Variants in ASRGL1 observed in about 807,000 individuals in gnomAD.
ASRGL1 encodes the protein isoaspartyl peptidase/L-asparaginase.
ASRGL1 carries 16 observed loss-of-function variants against 22.4 expected under a neutral mutation model. The ratio of observed to expected loss-of-function variants is 0.71; its 90% CI spans 0.48 to 1.08. The LOEUF (loss-of-function observed/expected upper bound fraction) is 1.08. Ranked by LOEUF, ASRGL1 falls within the 50% of genes least tolerant of loss-of-function variation. The probability of loss-of-function intolerance (pLI) is 0.00; values close to 1 mark genes in which losing one functional copy is unlikely to be tolerated. For missense variants in ASRGL1, 412 were observed against 410.1 expected (o/e 1.00, Z -0.04); for synonymous variants, 165 against 159.3 (o/e 1.04, Z -0.27).
chr11:62,398,621 A>C, the ASRGL1 span, among the ~76,000 whole-genome samples: 4,323 of 152,220 alleles, frequency 0.028, 67 homozygotes, highest in Non-Finnish European at 0.038. Context: ...CACCAAGGCC[A>C]GTTCCCCTCC....
At chr11:62,344,532 T>C (rs1238118841) in intron 2 of ASRGL1, among the ~76,000 whole-genome samples, 1 of 152,098 alleles carries the variant, frequency 6.6e-6, no homozygotes, top group Admixed American at 6.6e-5. Context: ...AAGTTTTAGG[T>C]CTGTGATTCA....
chr11:62,392,421 C>T lies in ASRGL1; in HGVS notation c.*137C>T. The stretch of plus-strand genomic sequence containing the variant: ...CTTGTTTTGTTGCCTTAATAAGCAT[C>T]TGAATGTTTGGTTGTGGGGCGGGTT... On this transcript the variant is annotated 3_prime_UTR_variant, in exon 7 of 7. Coordinates refer to ENST00000415229, the MANE Select transcript of ASRGL1 (RefSeq NM_001083926.2). 3 of 1,043,638 alleles carry T rather than the reference C, an allele frequency of 2.9e-6. No homozygotes were observed. Among genetic ancestry groups the T allele is most frequent in the Non-Finnish European group, 4.2e-6 (3 of 716,236 alleles). 64.6% of individuals were successfully genotyped at this position (1,043,638 alleles called of 1,614,324 possible).
rs778634465 is a variant in ASRGL1, at chr11:62,356,991, C to T, written c.338C>T (p.Pro113Leu). The change falls in exon 4 of 7, where the codon CCT becomes CTT. Residue 113 changes from proline (P) to leucine (L), a missense_variant. By Grantham distance (98) the Pro-to-Leu change is moderately conservative. Transcript: ENST00000415229. Reference protein sequence around the residue: ...KLARLVMEKTPHCFLTDQGAA... With the variant: ...KLARLVMEKTLHCFLTDQGAA... Reference sequence around the variant, plus strand: ...TCTCTTTTCTTTCTGGCTCAGACACCTCATTGCTTTCTGACTGACCAAGGC... The same window carrying T: ...TCTCTTTTCTTTCTGGCTCAGACACTTCATTGCTTTCTGACTGACCAAGGC... 2 of 1,597,324 alleles carry T rather than the reference C, an allele frequency of 1.3e-6. No individual in the cohort carries two copies. Among genetic ancestry groups the T allele is most frequent in the Non-Finnish European group, 1.7e-6 (2 of 1,175,628 alleles).
chr11:62,362,576 TTATATAAAA>T (rs1946478253), intron 4 of ASRGL1, among the ~76,000 whole-genome samples: 3 of 52,198 alleles, frequency 5.7e-5, no homozygotes, highest in East Asian at 6.1e-4. Flanking sequence ...ATAATATATA[TTATATAAAA>T]TATATAATAT....
intron 4 of ASRGL1, among the ~76,000 whole-genome samples, chr11:62,361,069 A>C (rs1215710227): frequency 1.3e-5 from 2 of 152,212 alleles, no homozygotes; most frequent in Non-Finnish European, 2.9e-5. Flanking sequence ...AAATAATGAA[A>C]GTAATGATCA....
intron 4 of ASRGL1, among the ~76,000 whole-genome samples, chr11:62,387,077 A>AT (rs1947232888): frequency 8.2e-6 from 1 of 122,498 alleles, no homozygotes; most frequent in African/African-American, 3.1e-5. Flanking sequence ...TTTTTTTTGT[A>AT]TTTTTAGTAG....
intron 4 of ASRGL1, chr11:62,371,138 C>G (rs1430519789): frequency 3.8e-6 from 4 of 1,064,390 alleles, no homozygotes; most frequent in African/African-American, 1.7e-5. Flanking sequence ...GCAACCATGC[C>G]CAGGAAGAAG....
chr11:62,368,032 C>G (rs761408535), intron 4 of ASRGL1, among the ~76,000 whole-genome samples: 11 of 151,908 alleles, frequency 7.2e-5, no homozygotes, highest in African/African-American at 2.7e-4. Context: ...GAGACTGTAA[C>G]CAGTTTAGGG....
intron 2 of ASRGL1, among the ~76,000 whole-genome samples, chr11:62,343,620 C>T (rs182471128): frequency 7.8e-4 from 114 of 146,018 alleles, no homozygotes; most frequent in East Asian, 7.8e-3. Flanking sequence ...CCCAGCCACT[C>T]GGGATGCTGA....
At chr11:62,337,713 G>A (rs1565148739) in intron 1 of ASRGL1, 139 bp downstream of exon 1, 8 of 369,078 alleles carry the variant, frequency 2.2e-5, no homozygotes, top group Admixed American at 1.0e-4. Flanking sequence ...CGGTGGGCGC[G>A]GGTTAACGTC....
In ASRGL1 at chr11:62,364,669, AAGG is replaced by A; in HGVS notation, c.491+7531_491+7533del. ...GTGGAATATAATTCCTTGGTAGGAA[AAGG>A]AGGAGATCCTGCCATTTGCAGCAAC... On this transcript the variant is annotated intron_variant, in intron 4 of 6. Transcript: ENST00000415229. Among the ~76,000 whole-genome samples, 4 of 152,360 alleles carry A rather than the reference AAGG, an allele frequency of 2.6e-5. No individual in the cohort carries two copies. The East Asian group carries it at 7.7e-4, about 29-fold the overall frequency.
chr11:62,359,323 G>T (rs373935014), intron 4 of ASRGL1, among the ~76,000 whole-genome samples: 1 of 152,104 alleles, frequency 6.6e-6, no homozygotes. Flanking sequence ...GTGGGCACCT[G>T]TAATCCCAGC....
chr11:62,373,771 A>G (rs1258843271), intron 4 of ASRGL1, among the ~76,000 whole-genome samples: 5 of 152,230 alleles, frequency 3.3e-5, no homozygotes, highest in African/African-American at 9.7e-5. Context: ...TCTGGCTGCA[A>G]CATTATAGAA....
rs1945792388 is a variant in ASRGL1 at position 62,338,826 on chromosome 11, C to G, written c.190+659C>G. Reference sequence around the variant, plus strand: ...CAGGCGTGGTGCTAGGAGCCTGTAACCCCAGCTACTCGGGAGGCCGAGGCA... The same window carrying G: ...CAGGCGTGGTGCTAGGAGCCTGTAAGCCCAGCTACTCGGGAGGCCGAGGCA... On this transcript the variant is annotated intron_variant, in intron 2 of 6. Coordinates refer to ENST00000415229, the MANE Select transcript of ASRGL1 (RefSeq NM_001083926.2). 3.3e-5 allele frequency among the ~76,000 whole-genome samples: 5 copies of G among 149,732 alleles called. No homozygotes were observed. The South Asian group carries it at 1.1e-3, about 32-fold the overall frequency.
chr11:62,365,828 G>A lies in ASRGL1; in HGVS notation c.491+8684G>A, dbSNP rs568167138. On this transcript the variant is annotated intron_variant, in intron 4 of 6. Transcript: ENST00000415229. ...GGCACCACTGCATTTCAGCTTGGGC[G>A]AAAGAGCAAGACTCCATCTCAAAAA... Among the ~76,000 whole-genome samples, 207 of 152,180 alleles carry A rather than the reference G, an allele frequency of 1.4e-3. No homozygotes were observed. In the Middle Eastern group the frequency reaches 0.02, roughly 15 times the overall value.
chr11:62,343,988 G>A (rs1039177264), intron 2 of ASRGL1, among the ~76,000 whole-genome samples: 2 of 147,240 alleles, frequency 1.4e-5, no homozygotes, highest in Admixed American at 6.9e-5. Context: ...GAGAGAAATG[G>A]CGCGATCTCA....
chr11:62,373,232 G>A, intron 4 of ASRGL1: 1 of 828,258 alleles, frequency 1.2e-6, no homozygotes, highest in Non-Finnish European at 2.1e-6. Flanking sequence ...ATTTCCATGT[G>A]CACTGGGACG....
At chr11:62,341,335 A>G (rs1416985514) in intron 2 of ASRGL1, among the ~76,000 whole-genome samples, 3 of 151,526 alleles carry the variant, frequency 2.0e-5, no homozygotes, top group African/African-American at 2.4e-5. Context: ...AGTAGCTGGG[A>G]CTATAGGCAC....
At chr11:62,388,880 G>A (rs1251668609) in intron 4 of ASRGL1, among the ~76,000 whole-genome samples, 1 of 152,010 alleles carries the variant, frequency 6.6e-6, no homozygotes, top group Non-Finnish European at 1.5e-5. Flanking sequence ...ATAAAACTTA[G>A]CATCACAGCT....
Sources: gnomAD v4.1 joint callset for allele counts (sites outside exome capture counted in the v4.1 genomes callset) on GRCh38, gnomAD v4.1.1 for gene constraint, MANE v1.5 for transcripts, NCBI Gene and HGNC (gene_info 2026-07-23, HGNC 2026-07-21) for gene names.